UBE4B: variants seen among roughly 807,000 people sequenced by gnomAD.
UBE4B encodes the protein ubiquitin conjugation factor E4 B.
A neutral mutation model predicts 148.1 loss-of-function variants in UBE4B; 27 were observed. The observed-to-expected ratio is 0.18, with a 90% CI of 0.13 to 0.25. UBE4B has a LOEUF of 0.25. Among genes scored for constraint, UBE4B ranks in the 10% least tolerant of loss-of-function variants. UBE4B has a pLI of 1.00. For synonymous variants in UBE4B, 596 were observed against 619.3 expected (o/e 0.96, Z 0.56); for missense variants, 1,170 against 1,662.4 (o/e 0.70, Z 5.15).
At chr1:10,112,854 A>G (rs2101906737) in intron 7 of UBE4B, among the ~76,000 whole-genome samples, 1 of 152,200 alleles carries the variant, frequency 6.6e-6, no homozygotes, top group African/African-American at 2.4e-5. Flanking sequence ...TGTGATCATG[A>G]TTTACTCTGG....
intron 1 of UBE4B, among the ~76,000 whole-genome samples, chr1:10,064,853 T>G (rs971792254): frequency 1.3e-5 from 2 of 150,290 alleles, no homozygotes; most frequent in East Asian, 3.9e-4. Context: ...AGCCTCCACC[T>G]CCCGGGTTCA....
At position 10,127,826 on chromosome 1, in the gene UBE4B, C is replaced by T. The variant is rs141713886; in HGVS notation, c.1638+949C>T. Among the ~76,000 whole-genome samples the T allele has an allele frequency of 4.8e-3, 731 of 152,234 alleles. 9 individuals are homozygous for T. The highest frequency in any genetic ancestry group is 0.016 in the African/African-American group (680 of 41,528). On this transcript the variant is annotated intron_variant, in intron 11 of 27. Transcript: ENST00000343090. Reference sequence around the variant, plus strand: ...TCTACTGCAAAAATAAGAGCTACAGCGCAACAGTTGAACAGATACTGTGAT... The same window carrying T: ...TCTACTGCAAAAATAAGAGCTACAGTGCAACAGTTGAACAGATACTGTGAT...
intron 1 of UBE4B, among the ~76,000 whole-genome samples, chr1:10,063,791 C>T (rs924166077): frequency 4.0e-5 from 6 of 151,842 alleles, no homozygotes; most frequent in Non-Finnish European, 7.4e-5. Flanking sequence ...GCCTGTAATC[C>T]CAGCCACTCA....
chr1:10,128,947 T>A (rs1385499844), intron 11 of UBE4B: 1 of 153,478 alleles, frequency 6.5e-6, no homozygotes, highest in Non-Finnish European at 1.5e-5. Context: ...GTTTTGAATT[T>A]GATAGCTTAT....
chr1:10,102,156 C>T (rs541914215), intron 4 of UBE4B, among the ~76,000 whole-genome samples: 1 of 152,070 alleles, frequency 6.6e-6, no homozygotes, highest in Non-Finnish European at 1.5e-5. Context: ...CCTAGTGGTG[C>T]AGTGCTTTAT....
At chr1:10,144,617 C>T (rs1645837529) in intron 17 of UBE4B, among the ~76,000 whole-genome samples, 1 of 151,822 alleles carries the variant, frequency 6.6e-6, no homozygotes, top group African/African-American at 2.4e-5. Context: ...CACCTGTAAT[C>T]CCAGCTACTT....
chr1:10,117,675 C>A, intron 8 of UBE4B, 75 bp downstream of exon 8: 2 of 1,455,420 alleles, frequency 1.4e-6, no homozygotes, highest in South Asian at 1.5e-5. Flanking sequence ...CTGGAGCATT[C>A]ATTGATTTAT....
At chr1:10,090,803 G>A (rs960394495) in intron 2 of UBE4B, among the ~76,000 whole-genome samples, 2 of 150,906 alleles carry the variant, frequency 1.3e-5, no homozygotes, top group Non-Finnish European at 3.0e-5. Context: ...TTGTGTGTGT[G>A]TGTGTGTGTG....
intron 1 of UBE4B, among the ~76,000 whole-genome samples, chr1:10,057,034 A>G (rs1015139418): frequency 2.6e-5 from 4 of 151,734 alleles, no homozygotes; most frequent in African/African-American, 9.7e-5. Context: ...CTGATCTTGA[A>G]TTCCTGGGCT....
At chr1:10,091,189 G>A (rs756938091) in intron 2 of UBE4B, among the ~76,000 whole-genome samples, 2 of 152,090 alleles carry the variant, frequency 1.3e-5, no homozygotes, top group African/African-American at 4.8e-5. Flanking sequence ...AGCAGATTAT[G>A]TTCATTTTTT....
At chr1:10,053,757 C>T (rs1210747113) in intron 1 of UBE4B, among the ~76,000 whole-genome samples, 5 of 152,150 alleles carry the variant, frequency 3.3e-5, no homozygotes, top group African/African-American at 7.2e-5. Flanking sequence ...GGCGTGATCA[C>T]GGCTCACTTG....
At chr1:10,139,589 CTATT>C (rs1645753802) in intron 17 of UBE4B, among the ~76,000 whole-genome samples, 1 of 152,072 alleles carries the variant, frequency 6.6e-6, no homozygotes, top group African/African-American at 2.4e-5. Context: ...ATATATAAGA[CTATT>C]TAGATTTTCA....
rs1210226094 is a variant in UBE4B at position 10,106,402 on chromosome 1, T to C, written c.1015T>C (p.Trp339Arg). The part of the protein sequence containing the change: ...RYRPYTVTHP[W>R]ASSGVSILSS... ...TCGCCCCTACACTGTCACTCACCCA[T>C]GGGCGTCCTCAGGCGTCTCCATTCT... Residue 339 changes from tryptophan (W) to arginine (R), a missense_variant, in exon 7 of 28, where the codon TGG (tryptophan) becomes CGG (arginine). Physicochemically the swap from Trp to Arg is moderately radical, Grantham distance 101. Around this residue, in one of 6 missense-constraint regions of UBE4B, gnomAD observed 214 missense variants for 209.1 expected, o/e 1.02. Transcript: ENST00000343090. This position sits in a 1 kb window ranked among gnomAD's most constrained non-coding sequence, Gnocchi z 4.2. The C allele has an allele frequency of 6.8e-6, 11 of 1,613,432 alleles. No homozygotes were observed. Among genetic ancestry groups the C allele is most frequent in the Non-Finnish European group, 8.5e-6 (10 of 1,179,650 alleles).
intron 21 of UBE4B, among the ~76,000 whole-genome samples, chr1:10,154,694 T>G (rs1646038262): frequency 6.6e-6 from 1 of 152,048 alleles, no homozygotes; most frequent in Non-Finnish European, 1.5e-5. Flanking sequence ...CAAAAAAATT[T>G]AGCTGGGCGT....
intron 1 of UBE4B, among the ~76,000 whole-genome samples, chr1:10,045,008 G>C (rs1389146599): frequency 6.6e-6 from 1 of 152,176 alleles, no homozygotes; most frequent in African/African-American, 2.4e-5. Context: ...CCATCTAGGG[G>C]TGATGGGAGA....
At chr1:10,155,086 T>A (rs61782928) in intron 21 of UBE4B, among the ~76,000 whole-genome samples, 2,891 of 128,742 alleles carry the variant, frequency 0.022, 31 homozygotes, top group Non-Finnish European at 0.03. Flanking sequence ...AGAGAGAGAG[T>A]GTGTGTGTGT....
intron 1 of UBE4B, among the ~76,000 whole-genome samples, chr1:10,061,735 G>A (rs533223614): frequency 5.2e-4 from 79 of 152,146 alleles, no homozygotes; most frequent in Non-Finnish European, 1.0e-3. Context: ...AAATCAAGCC[G>A]CACCAGCAAA....
intron 22 of UBE4B, among the ~76,000 whole-genome samples, chr1:10,160,493 T>A (rs184509926): frequency 6.6e-6 from 1 of 152,308 alleles, no homozygotes; most frequent in East Asian, 1.9e-4. Context: ...CAGCATTTGC[T>A]GGTTTTCCAT....
chr1:10,144,229 G>A (rs1452599980), intron 17 of UBE4B, among the ~76,000 whole-genome samples: 1 of 152,236 alleles, frequency 6.6e-6, no homozygotes, highest in Non-Finnish European at 1.5e-5. Context: ...AGAGGGAACA[G>A]TTGTAAAGGA....
Sources: allele counts gnomAD v4.1 joint callset (sites outside exome capture counted in the v4.1 genomes callset), GRCh38; gene constraint gnomAD v4.1.1; regional missense constraint gnomAD v4.1.1; non-coding constraint Gnocchi (gnomAD v3.1); transcripts MANE v1.5; gene names NCBI Gene and HGNC (gene_info 2026-07-23, HGNC 2026-07-21).